TENM4: variants seen among roughly 807,000 people sequenced by gnomAD.
TENM4 encodes teneurin-4.
A neutral mutation model predicts 243.3 loss-of-function variants in TENM4; 82 were observed. The observed-to-expected ratio is 0.34, with a 90% CI of 0.28 to 0.40. The LOEUF (loss-of-function observed/expected upper bound fraction) is 0.40. Ranked by LOEUF, TENM4 falls within the 10% of genes least tolerant of loss-of-function variation. The pLI, the probability that TENM4 is intolerant of heterozygous loss-of-function variation, is 1.00. For missense variants in TENM4, 3,138 were observed against 3,673.3 expected, an observed-to-expected ratio of 0.85 and a Z score of 3.77; for synonymous variants, 1,412 against 1,456.3, an observed-to-expected ratio of 0.97 and a Z score of 0.69.
chr11:79,244,039 C>T (rs2135287631), intron 2 of TENM4, among the ~76,000 whole-genome samples: 1 of 152,324 alleles, frequency 6.6e-6, no homozygotes, highest in East Asian at 1.9e-4. Flanking sequence ...GCCCTTTGAG[C>T]AAGTCCTACG....
At chr11:79,333,243 C>T (rs11237791) in intron 1 of TENM4, among the ~76,000 whole-genome samples, 1 of 113,090 alleles carries the variant, frequency 8.8e-6, no homozygotes, top group Non-Finnish European at 2.0e-5. Context: ...TCCATCCATC[C>T]ATCTATCCAT....
intron 4 of TENM4, among the ~76,000 whole-genome samples, chr11:79,140,849 T>A (rs1444443254): frequency 6.6e-6 from 1 of 152,056 alleles, no homozygotes; most frequent in Non-Finnish European, 1.5e-5. Flanking sequence ...TCTGCTGCTC[T>A]GAGGGAAGCT....
At chr11:79,220,342 G>A (rs1367228879) in intron 2 of TENM4, among the ~76,000 whole-genome samples, 2 of 152,204 alleles carry the variant, frequency 1.3e-5, no homozygotes, top group Non-Finnish European at 2.9e-5. Context: ...GTTTGCTGAG[G>A]GGAAGCCTGG....
intron 16 of TENM4, 92 bp downstream of exon 16, chr11:78,786,806 C>T (rs1220127084): frequency 1.1e-4 from 158 of 1,499,940 alleles, no homozygotes; most frequent in Non-Finnish European, 7.4e-5. Flanking sequence ...TCCCCACATG[C>T]GATGAGGGCC....
intron 2 of TENM4, among the ~76,000 whole-genome samples, chr11:79,236,495 T>C (rs901235859): frequency 6.6e-6 from 1 of 152,184 alleles, no homozygotes; most frequent in Non-Finnish European, 1.5e-5. Context: ...CGCTCTCTCT[T>C]TCTCGCGCTG....
chr11:78,787,283 C>A (rs1356257580), intron 15 of TENM4, among the ~76,000 whole-genome samples, 200 bp from the exon 16 acceptor site: 1 of 152,208 alleles, frequency 6.6e-6, no homozygotes, highest in Admixed American at 6.5e-5. Context: ...TCTCCGTGGA[C>A]AATGACCCTC....
At position 79,275,223 on chromosome 11, in the gene TENM4, C is replaced by CGG. The variant is rs201280344; in HGVS notation, c.-265+22263_-265+22264dup. On this transcript the variant is annotated intron_variant, in intron 2 of 33. Coordinates refer to ENST00000278550, the MANE Select transcript of TENM4 (RefSeq NM_001098816.3). ...TTAGAAGGTGCTGGGTATGTGTGAG[C>CGG]GGGGTGTGTGTGTGTGTGTCTGTGT... Among the ~76,000 whole-genome samples, 417 of 141,302 alleles carry CGG rather than the reference C, an allele frequency of 3.0e-3. 1 individual carries two copies. Among genetic ancestry groups the CGG allele is most frequent in the African/African-American group, 0.011 (366 of 33,516 alleles). 92.7% of individuals were successfully genotyped at this position (141,302 alleles called of 152,430 possible).
intron 16 of TENM4, among the ~76,000 whole-genome samples, chr11:78,781,681 C>T (rs139717229): frequency 1.9e-4 from 29 of 152,284 alleles, no homozygotes; most frequent in South Asian, 1.7e-3. Flanking sequence ...CTCAGGGCAA[C>T]TCGAACGGCT....
intron 6 of TENM4, among the ~76,000 whole-genome samples, chr11:79,045,113 A>C (rs757493053): frequency 6.6e-6 from 1 of 152,172 alleles, no homozygotes; most frequent in Non-Finnish European, 1.5e-5. Flanking sequence ...CACATCCCCA[A>C]GTCTATGACG....
chr11:79,333,118 C>G (rs991188522), intron 1 of TENM4, among the ~76,000 whole-genome samples: 3 of 152,142 alleles, frequency 2.0e-5, no homozygotes, highest in Non-Finnish European at 1.5e-5. Context: ...TCTTCCCTAT[C>G]CCCATTTGCA....
chr11:79,364,315 T>C (rs946097323), intron 1 of TENM4, among the ~76,000 whole-genome samples: 6 of 152,166 alleles, frequency 3.9e-5, no homozygotes, highest in African/African-American at 1.4e-4. Flanking sequence ...CCCGGCCCAA[T>C]GGGCCTGCCA....
chr11:79,369,501 G>C (rs1212194221), intron 1 of TENM4, among the ~76,000 whole-genome samples: 1 of 152,162 alleles, frequency 6.6e-6, no homozygotes, highest in Non-Finnish European at 1.5e-5. Flanking sequence ...CAATAGAACA[G>C]GTGCTCAACT....
In TENM4 at chr11:78,732,509, T is replaced by A; in HGVS notation, c.2945A>T (p.Gln982Leu). 1 of 1,613,536 alleles carries A rather than the reference T, an allele frequency of 6.2e-7. No homozygotes were observed. Among genetic ancestry groups the A allele is most frequent in the African/African-American group, 1.3e-5 (1 of 74,996 alleles). The change falls in exon 21 of 34, where the codon CAG becomes CTG. Residue 982 changes from glutamine (Q) to leucine (L), a missense_variant. Around this residue, in one of 2 missense-constraint regions of TENM4, gnomAD observed 2,467 missense variants for 3,059.1 expected, o/e 0.81. Coordinates refer to ENST00000278550, the MANE Select transcript of TENM4 (RefSeq NM_001098816.3). Reference sequence around the variant, plus strand: ...CCATGGCAGCCACAGGGTGTGCTCCTGTGTGATGAAAGGTGCCCGCTCGAA... The same window carrying A: ...CCATGGCAGCCACAGGGTGTGCTCCAGTGTGATGAAAGGTGCCCGCTCGAA... ...LRFERAPFIT[Q>L]EHTLWLPWDR...
At chr11:79,050,875 A>T (rs1418618909) in intron 6 of TENM4, among the ~76,000 whole-genome samples, 1 of 152,190 alleles carries the variant, frequency 6.6e-6, no homozygotes, top group Non-Finnish European at 1.5e-5. Context: ...GAAGAAAATC[A>T]GGCTGACTGG....
intron 18 of TENM4, among the ~76,000 whole-genome samples, chr11:78,764,808 G>A (rs1031074024): frequency 1.3e-5 from 2 of 152,228 alleles, no homozygotes; most frequent in Admixed American, 1.3e-4. Flanking sequence ...TGGAGAAGAA[G>A]GAAGTAGAAG....
Position 78,756,943 on chromosome 11 carries a change from G to A in TENM4, c.2618C>T (p.Pro873Leu), listed in dbSNP as rs775279496. Residue 873 changes from proline to leucine, a missense_variant, in exon 19 of 34, where the codon CCT (proline) becomes CTT (leucine). Pro to Leu is a moderately conservative substitution (Grantham distance 98, BLOSUM62 -3). Coordinates refer to ENST00000278550, the MANE Select transcript of TENM4 (RefSeq NM_001098816.3). The stretch of plus-strand genomic sequence containing the variant: ...CTCCTGGATGATGTCCAGAGGGTTA[G>A]GGGAGCCAAGGCACAGCGGGTTGAT... ...CHINPLCLGS[P>L]NPLDIIQETQ... The A allele has an allele frequency of 9.9e-6, 16 of 1,613,986 alleles. No homozygotes were observed. Among genetic ancestry groups the A allele is most frequent in the Non-Finnish European group, 1.4e-5 (16 of 1,179,894 alleles).
chr11:79,167,840 G>T (rs184895636), intron 3 of TENM4, among the ~76,000 whole-genome samples: 2 of 152,162 alleles, frequency 1.3e-5, no homozygotes, highest in African/African-American at 4.8e-5. Context: ...TGTCCACAGG[G>T]CCTGCAAAAC....
chr11:79,004,464 C>G (rs1422615264), intron 6 of TENM4, among the ~76,000 whole-genome samples: 1 of 152,098 alleles, frequency 6.6e-6, no homozygotes, highest in African/African-American at 2.4e-5. Context: ...GAGAAAATTG[C>G]ACAAAACCAT....
intron 6 of TENM4, among the ~76,000 whole-genome samples, chr11:78,988,193 AG>A (rs1309412437): frequency 6.6e-6 from 1 of 152,230 alleles, no homozygotes; most frequent in Non-Finnish European, 1.5e-5. Context: ...CCATGTTGTG[AG>A]GATACTCAAG....
Sources: gnomAD v4.1 joint callset for allele counts (sites outside exome capture counted in the v4.1 genomes callset) on GRCh38, gnomAD v4.1.1 for gene constraint, gnomAD v4.1.1 regional missense constraint, MANE v1.5 for transcripts, NCBI Gene and HGNC (gene_info 2026-07-23, HGNC 2026-07-21) for gene names.